ROBO2: variants seen among roughly 807,000 people sequenced by gnomAD.
ROBO2 encodes the protein roundabout homolog 2.
ROBO2 carries 53 observed loss-of-function variants against 160.8 expected under a neutral mutation model. The observed-to-expected ratio is 0.33, with a 90% CI of 0.26 to 0.41. The LOEUF (loss-of-function observed/expected upper bound fraction) is 0.41, where lower values mean the gene tolerates loss of function less well. Ranked by LOEUF, ROBO2 falls within the 10% of genes least tolerant of loss-of-function variation. The pLI is 1.00. For synonymous variants in ROBO2, 664 were observed against 611.7 expected (o/e 1.09, Z -1.26); for missense variants, 1,577 against 1,722.4 (o/e 0.92, Z 1.49).
intron 2 of ROBO2, among the ~76,000 whole-genome samples, chr3:77,211,742 A>G (rs1429241970): frequency 3.3e-5 from 5 of 152,144 alleles, no homozygotes; most frequent in African/African-American, 9.7e-5. Flanking sequence ...CTCTTGAATT[A>G]ATTTTTGTAT....
At chr3:76,000,835 T>A (rs1003801246) in intron 2 of ROBO2, among the ~76,000 whole-genome samples, 2 of 152,200 alleles carry the variant, frequency 1.3e-5, no homozygotes, top group African/African-American at 4.8e-5. Context: ...AATTTTAGCA[T>A]GATATATCAT....
At chr3:75,995,757 C>A (rs1483081905) in intron 2 of ROBO2, among the ~76,000 whole-genome samples, 1 of 152,130 alleles carries the variant, frequency 6.6e-6, no homozygotes, top group East Asian at 1.9e-4. Context: ...GGGGTTGTAC[C>A]CTGAAAAGCC....
intron 2 of ROBO2, among the ~76,000 whole-genome samples, chr3:77,249,193 GA>G (rs913690507): frequency 1.3e-5 from 2 of 151,832 alleles, no homozygotes; most frequent in Non-Finnish European, 2.9e-5. Flanking sequence ...GTGAGAACTG[GA>G]AAAAAACAAA....
chr3:76,907,832 G>C (rs1479954521), intron 2 of ROBO2, among the ~76,000 whole-genome samples: 1 of 115,524 alleles, frequency 8.7e-6, no homozygotes, highest in Non-Finnish European at 2.0e-5. Context: ...GGGTGTGTGT[G>C]TGTGTGTGTG....
intron 2 of ROBO2, among the ~76,000 whole-genome samples, chr3:76,829,931 G>A (rs557520837): frequency 1.9e-4 from 29 of 152,258 alleles, no homozygotes; most frequent in Admixed American, 1.8e-3. Flanking sequence ...GCCTCCCCAA[G>A]TGCTGGGATT....
intron 2 of ROBO2, among the ~76,000 whole-genome samples, chr3:76,114,558 A>G (rs549851527): frequency 6.6e-6 from 1 of 152,210 alleles, no homozygotes; most frequent in South Asian, 2.1e-4. Context: ...AGGCCCTGAT[A>G]TAATTATTAT....
Position 76,382,542 on chromosome 3 carries a change from G to C in ROBO2, c.109+444940G>C, listed in dbSNP as rs550262817. 2.0e-5 allele frequency among the ~76,000 whole-genome samples: 3 copies of C among 152,306 alleles called. No individual in the cohort carries two copies. In the South Asian group the frequency reaches 6.2e-4, roughly 32 times the overall value. On this transcript the variant is annotated intron_variant, in intron 2 of 26. Coordinates refer to the ROBO2 transcript ENST00000487694. ...GCGGAGCTTGCAGTGAGCCGAGATC[G>C]CGCCCCTGCACTCCAGCCTGGGCGA...
chr3:77,006,572 G>A (rs552462841), intron 2 of ROBO2, among the ~76,000 whole-genome samples: 1 of 152,092 alleles, frequency 6.6e-6, no homozygotes, highest in Admixed American at 6.6e-5. Flanking sequence ...AAAACTACTT[G>A]ATAGGACTGG....
chr3:76,530,053 C>T (rs1187720943), intron 2 of ROBO2, among the ~76,000 whole-genome samples: 1 of 152,144 alleles, frequency 6.6e-6, no homozygotes. Context: ...AGATTTCCCA[C>T]ATGCCACTTT....
intron 2 of ROBO2, among the ~76,000 whole-genome samples, chr3:77,438,295 GCAA>G (rs1322652529): frequency 6.6e-6 from 1 of 151,862 alleles, no homozygotes; most frequent in Non-Finnish European, 1.5e-5. Context: ...AATGGCAACA[GCAA>G]CAAGACATCC....
intron 2 of ROBO2, among the ~76,000 whole-genome samples, chr3:77,116,835 G>A (rs1269032146): frequency 4.6e-5 from 7 of 152,136 alleles, no homozygotes; most frequent in Non-Finnish European, 7.4e-5. Flanking sequence ...ATTTAGTTCA[G>A]TGGGTCAGAG....
intron 2 of ROBO2, among the ~76,000 whole-genome samples, chr3:77,476,680 A>C (rs997613764): frequency 6.6e-6 from 1 of 152,148 alleles, no homozygotes; most frequent in Non-Finnish European, 1.5e-5. Flanking sequence ...TGACATTTGG[A>C]GAGGCAGGCA....
intron 2 of ROBO2, among the ~76,000 whole-genome samples, chr3:76,900,349 A>C (rs1275518868): frequency 6.6e-6 from 1 of 151,992 alleles, no homozygotes; most frequent in East Asian, 1.9e-4. Context: ...CTTAAGTTTG[A>C]CTCTAAGCTT....
chr3:77,198,121 C>T (rs79135721), intron 2 of ROBO2, among the ~76,000 whole-genome samples: 2,094 of 152,208 alleles, frequency 0.014, 17 homozygotes, highest in Middle Eastern at 0.034. Context: ...ACAAATGAAT[C>T]GATTACTACG....
chr3:76,219,462 C>T (rs1015431837), intron 2 of ROBO2, among the ~76,000 whole-genome samples: 7 of 152,102 alleles, frequency 4.6e-5, no homozygotes, highest in Admixed American at 2.0e-4. Context: ...CTACAATGAA[C>T]TCAAACAAAT....
chr3:76,216,536 A>G (rs367605585), intron 2 of ROBO2, among the ~76,000 whole-genome samples: 31 of 152,298 alleles, frequency 2.0e-4, no homozygotes, highest in East Asian at 7.7e-4. Context: ...CAGACTTTAA[A>G]CCAACAAAGA....
chr3:77,346,245 T>A (rs1399559032), intron 2 of ROBO2, among the ~76,000 whole-genome samples: 1 of 152,120 alleles, frequency 6.6e-6, no homozygotes, highest in Non-Finnish European at 1.5e-5. Flanking sequence ...CAAAATGTAA[T>A]CCCTTTTAAA....
intron 2 of ROBO2, among the ~76,000 whole-genome samples, chr3:76,403,753 A>G (rs2077981775): frequency 6.6e-6 from 1 of 151,586 alleles, no homozygotes; most frequent in Non-Finnish European, 1.5e-5. Context: ...GACTCATTCT[A>G]ATGTTTGAGG....
chr3:76,765,173 C>A lies in ROBO2; in HGVS notation c.110-332841C>A, dbSNP rs181565006. On this transcript the variant is annotated intron_variant, in intron 2 of 26. Transcript: ENST00000487694. ...TTCAGGGCTTTCATACATCAGTGCCCAACTATATCTTGTTGAATTTTTTTA... is the reference window on the plus strand; with the variant it reads ...TTCAGGGCTTTCATACATCAGTGCCAAACTATATCTTGTTGAATTTTTTTA... Among the ~76,000 whole-genome samples the A allele has an allele frequency of 2.6e-5, 4 of 151,736 alleles. 1 individual carries two copies. The highest frequency in any genetic ancestry group is 2.6e-4 in the Admixed American group (4 of 15,214).
Sources: gnomAD v4.1 joint callset for allele counts (sites outside exome capture counted in the v4.1 genomes callset) on GRCh38, gnomAD v4.1.1 for gene constraint, MANE v1.5 for transcripts, NCBI Gene and HGNC (gene_info 2026-07-23, HGNC 2026-07-21) for gene names.